INTS9: variants seen among roughly 807,000 people sequenced by gnomAD.
INTS9 encodes integrator complex subunit 9.
In INTS9, 55 loss-of-function variants were observed where a neutral mutation model predicts 79.7. That is an observed-to-expected ratio of 0.69 (90% CI 0.56 to 0.86). The LOEUF (loss-of-function observed/expected upper bound fraction) is 0.86, where lower values mean the gene tolerates loss of function less well. Among genes scored for constraint, INTS9 ranks in the 40% least tolerant of loss-of-function variants. INTS9 has a pLI of 0.00. For missense variants in INTS9, 721 were observed against 831.5 expected, an observed-to-expected ratio of 0.87 and a Z score of 1.64; for synonymous variants, 319 against 325.2, an observed-to-expected ratio of 0.98 and a Z score of 0.20.
intron 1 of INTS9, among the ~76,000 whole-genome samples, chr8:28,875,505 T>C (rs1295803590): frequency 6.6e-6 from 1 of 152,164 alleles, no homozygotes; most frequent in East Asian, 1.9e-4. Context: ...TCTTTCAACT[T>C]TTAAGCTCAA....
chr8:28,817,990 T>C (rs1211561976), intron 6 of INTS9, among the ~76,000 whole-genome samples: 25 of 147,616 alleles, frequency 1.7e-4, no homozygotes, highest in African/African-American at 6.3e-4. Flanking sequence ...GTGATTTTTG[T>C]ACATTGATTT....
intron 6 of INTS9, among the ~76,000 whole-genome samples, chr8:28,814,001 G>C (rs747082942): frequency 2.4e-4 from 37 of 151,412 alleles, no homozygotes; most frequent in Non-Finnish European, 4.3e-4. Context: ...CCTTGTGATA[G>C]GCCCAACTCG....
chr8:28,796,434 C>A, intron 9 of INTS9, 110 bp downstream of exon 9: 1 of 643,124 alleles, frequency 1.6e-6, no homozygotes, highest in Admixed American at 2.6e-5. Flanking sequence ...CCTTTGACAA[C>A]TGCTACCCTG....
At chr8:28,821,926 T>C (rs913322727) in intron 6 of INTS9, among the ~76,000 whole-genome samples, 14 of 152,052 alleles carry the variant, frequency 9.2e-5, no homozygotes, top group African/African-American at 2.7e-4. Context: ...CGTGCCACCA[T>C]GCCCGGCTCA....
chr8:28,827,257 C>T (rs1412247727), intron 6 of INTS9, among the ~76,000 whole-genome samples: 1 of 152,214 alleles, frequency 6.6e-6, no homozygotes, highest in Admixed American at 6.5e-5. Context: ...TCTTACCACA[C>T]TTGAGTGCCT....
chr8:28,876,299 G>C (rs1195412804), intron 1 of INTS9, among the ~76,000 whole-genome samples: 1 of 152,100 alleles, frequency 6.6e-6, no homozygotes, highest in Non-Finnish European at 1.5e-5. Flanking sequence ...CTATGAGTCT[G>C]TTATGCACCA....
rs1563287094 is a variant in INTS9 at position 28,837,776 on chromosome 8, T to C, written c.262A>G (p.Thr88Ala). ...DSVPEFCLPE[T>A]ELIDLSTVDV... ...ACTGTAGACAGATCTATTAGCTCCG[T>C]CTGAAAAGAAAGGGAGGGAATGATA... is the stretch of plus-strand genomic sequence containing the variant. Residue 88 changes from threonine (T) to alanine (A), a missense_variant and splice_region_variant, in exon 5 of 17, where the codon ACG becomes GCG. This residue lies in a region of INTS9 where 291 missense variants were observed against 307.0 expected (regional missense o/e 0.95). Transcript: ENST00000521022. The C allele has an allele frequency of 6.2e-7, 1 of 1,612,376 alleles. No individual in the cohort carries two copies.
intron 12 of INTS9, 95 bp from the exon 13 acceptor site, chr8:28,778,048 C>A: frequency 7.3e-7 from 1 of 1,368,444 alleles, no homozygotes; most frequent in South Asian, 1.5e-5. Flanking sequence ...CACAGACAGT[C>A]AGGGGGTCAG....
At chr8:28,855,614 G>A (rs1339895163) in intron 2 of INTS9, among the ~76,000 whole-genome samples, 1 of 152,222 alleles carries the variant, frequency 6.6e-6, no homozygotes, top group African/African-American at 2.4e-5. Context: ...CCAGATTAAA[G>A]GAGTCTGAAG....
intron 1 of INTS9, among the ~76,000 whole-genome samples, chr8:28,875,027 T>G (rs561716821): frequency 1.4e-4 from 22 of 152,210 alleles, no homozygotes; most frequent in African/African-American, 5.3e-4. Context: ...GCAGGGAGAC[T>G]CCCTTTTTTA....
At chr8:28,844,131 G>A (rs1445735889) in intron 4 of INTS9, among the ~76,000 whole-genome samples, 2 of 152,212 alleles carry the variant, frequency 1.3e-5, no homozygotes, top group African/African-American at 2.4e-5. Flanking sequence ...GTTATATACT[G>A]TACTACAGTT....
chr8:28,793,841 T>G lies in INTS9; in HGVS notation c.1003A>C (p.Ser335Arg), dbSNP rs1323353231. The G allele has an allele frequency of 6.2e-7, 1 of 1,611,686 alleles. No individual in the cohort carries two copies. The highest frequency in any genetic ancestry group is 1.3e-5 in the African/African-American group (1 of 74,336). ...AAGATCTGGGAAAACTCCAGTGAAC[T>G]GTTGGCCACAGGGGAGATGAAGTAG... The part of the protein sequence containing the change: ...PLYFISPVAN[S>R]SLEFSQIFAE... Residue 335 changes from serine to arginine, a missense_variant, in exon 10 of 17, where the codon AGT becomes CGT. Physicochemically the swap from Ser to Arg is moderately radical, Grantham distance 110 (BLOSUM62 -1). Coordinates refer to ENST00000521022, the MANE Select transcript of INTS9 (RefSeq NM_018250.4).
At chr8:28,862,471 G>A (rs1363499886) in intron 1 of INTS9, among the ~76,000 whole-genome samples, 2 of 152,180 alleles carry the variant, frequency 1.3e-5, no homozygotes, top group African/African-American at 4.8e-5. Flanking sequence ...ATTGAGGGTT[G>A]TTTCCTGTCA....
At chr8:28,882,771 C>G (rs1347763722) in intron 1 of INTS9, among the ~76,000 whole-genome samples, 1 of 152,144 alleles carries the variant, frequency 6.6e-6, no homozygotes, top group Non-Finnish European at 1.5e-5. Flanking sequence ...GTCTGATTAC[C>G]TGTCTTTGAG....
chr8:28,797,373 A>G (rs1452985442), intron 8 of INTS9, among the ~76,000 whole-genome samples: 2 of 152,194 alleles, frequency 1.3e-5, no homozygotes, highest in African/African-American at 4.8e-5. Context: ...AGAAGGTCAA[A>G]TCTACTCCCA....
At chr8:28,812,252 T>C (rs1805193240) in intron 8 of INTS9, 75 bp downstream of exon 8, 1 of 1,420,906 alleles carries the variant, frequency 7.0e-7, no homozygotes, top group African/African-American at 1.4e-5. Context: ...AAATGGCTGA[T>C]GGTTCCTTGG....
intron 13 of INTS9, 76 bp from the exon 14 acceptor site, chr8:28,776,002 C>G (rs945731532): frequency 7.7e-6 from 9 of 1,173,716 alleles, no homozygotes; most frequent in African/African-American, 6.4e-5. Context: ...TTCCTGACCC[C>G]GATCCACTCC....
At chr8:28,854,087 G>T (rs200863863) in intron 2 of INTS9, among the ~76,000 whole-genome samples, 2 of 151,918 alleles carry the variant, frequency 1.3e-5, no homozygotes, top group African/African-American at 4.8e-5. Context: ...GAAAGCACTT[G>T]TGTGATCACA....
intron 13 of INTS9, chr8:28,776,136 A>C (rs547979899): frequency 2.2e-6 from 1 of 452,100 alleles, no homozygotes; most frequent in African/African-American, 2.0e-5. Context: ...GGAAACCCCT[A>C]AACTGCCTCA....
Sources: gnomAD v4.1 joint callset for allele counts (sites outside exome capture counted in the v4.1 genomes callset) on GRCh38, gnomAD v4.1.1 for gene constraint, gnomAD v4.1.1 regional missense constraint, MANE v1.5 for transcripts, NCBI Gene and HGNC (gene_info 2026-07-23, HGNC 2026-07-21) for gene names.